Variants in ASPHD1 observed in about 807,000 individuals in gnomAD.
ASPHD1 encodes the protein aspartate beta-hydroxylase domain containing 1, also known as aspartate beta-hydroxylase domain-containing protein 1.
A neutral mutation model predicts 28.3 loss-of-function variants in ASPHD1; 20 were observed. That is an observed-to-expected ratio of 0.71 (90% CI 0.50 to 1.03). ASPHD1 has a LOEUF of 1.03. ASPHD1 is among the 50% of genes least tolerant of loss of function. The pLI, the probability that ASPHD1 is intolerant of heterozygous loss-of-function variation, is 0.00. For synonymous variants in ASPHD1, 240 were observed against 221.2 expected (o/e 1.08, Z -0.75); for missense variants, 479 against 524.1 (o/e 0.91, Z 0.84).
At chr16:29,906,856 G>A (rs746975483), downstream of ASPHD1, 2 of 1,605,310 alleles carry the variant, frequency 1.2e-6, no homozygotes, top group African/African-American at 1.3e-5. Context: ...GAGGAAGGCA[G>A]GGGGAGGGTC....
chr16:29,905,629 G>GAAAA (rs770029376), intron 2 of ASPHD1, among the ~76,000 whole-genome samples, 159 bp from the exon 3 acceptor site: 4 of 49,750 alleles, frequency 8.0e-5, no homozygotes, highest in Non-Finnish European at 1.2e-4. Context: ...TCCATCTCAG[G>GAAAA]AAAAAAAAAA....
rs1258652983 is a variant in ASPHD1, at chr16:29,900,867, T to G, written c.-105T>G. 2.0e-6 allele frequency: 2 copies of G among 1,002,536 alleles called. No homozygotes were observed. Among genetic ancestry groups the G allele is most frequent in the African/African-American group, 3.3e-5 (2 of 60,186 alleles). The allele number at this position is 1,002,536 out of a possible 1,614,324, so 62.1% of individuals were successfully genotyped here. On this transcript the variant is annotated 5_prime_UTR_variant, in exon 1 of 3. Transcript: ENST00000308748. ...AGCAGAGCGAGAGAGAGGAGGCTGC[T>G]GGAAGGAGAAAGAAGAGGGTGAGGA...
intron 3 of ASPHD1, among the ~76,000 whole-genome samples, chr16:29,912,980 T>C (rs535476493): frequency 6.6e-6 from 1 of 152,340 alleles, no homozygotes; most frequent in South Asian, 2.1e-4. Flanking sequence ...AGAATCTTCA[T>C]GCCAAAATCC....
chr16:29,905,055 T>C (rs1242990323), intron 2 of ASPHD1, 90 bp downstream of exon 2: 21 of 915,602 alleles, frequency 2.3e-5, no homozygotes, highest in Non-Finnish European at 2.7e-5. Flanking sequence ...CCCAACGGAC[T>C]TCCTGTCCTA....
At chr16:29,906,775 C>T, downstream of ASPHD1, 1 of 1,076,780 alleles carries the variant, frequency 9.3e-7, no homozygotes, top group Non-Finnish European at 1.4e-6. Context: ...GGACCCACGA[C>T]TTGGCCAGCA....
Position 29,901,225 on chromosome 16 carries a change from G to A in ASPHD1, c.254G>A (p.Gly85Glu). Reference protein sequence around the residue: ...LASSALTLLFGALTSLFLWYC... With the variant: ...LASSALTLLFEALTSLFLWYC... ...TCCTCGGCCCTCACCTTGCTCTTCG[G>A]GGCCCTCACTTCCCTGTTCCTCTGG... The change falls in exon 1 of 3, where the codon GGG becomes GAG. Residue 85 changes from glycine (G) to glutamate (E), a missense_variant. Coordinates refer to ENST00000308748, the MANE Select transcript of ASPHD1 (RefSeq NM_181718.4). This position sits in a 1 kb window ranked among gnomAD's most constrained non-coding sequence, Gnocchi z 5.1. The A allele has an allele frequency of 1.2e-6, 2 of 1,613,752 alleles. No homozygotes were observed. The highest frequency in any genetic ancestry group is 1.7e-6 in the Non-Finnish European group (2 of 1,179,940).
chr16:29,918,454 C>T (rs982583863), intron 3 of ASPHD1, among the ~76,000 whole-genome samples: 4 of 152,132 alleles, frequency 2.6e-5, no homozygotes, highest in East Asian at 3.9e-4. Flanking sequence ...TAATATCAGT[C>T]ATTTTATTTA....
intron 1 of ASPHD1, among the ~76,000 whole-genome samples, chr16:29,904,457 A>C (rs1415859076): frequency 6.6e-6 from 1 of 151,454 alleles, no homozygotes; most frequent in Non-Finnish European, 1.5e-5. Context: ...AAAAAAAAAC[A>C]AAACAAAAAA....
chr16:29,907,161 G>T, downstream of ASPHD1: 1 of 1,317,288 alleles, frequency 7.6e-7, no homozygotes, highest in Non-Finnish European at 1.1e-6. Flanking sequence ...GTCACGCAGG[G>T]CCATCCCCCT....
At chr16:29,912,062 CG>C (rs2068723335) in intron 3 of ASPHD1, 1 of 1,578,856 alleles carries the variant, frequency 6.3e-7, no homozygotes, top group Non-Finnish European at 8.6e-7. Flanking sequence ...GGGGAAGAAG[CG>C]GAAGGTGGTT....
intron 1 of ASPHD1, among the ~76,000 whole-genome samples, chr16:29,902,514 A>G: frequency 6.6e-6 from 1 of 152,108 alleles, no homozygotes; most frequent in East Asian, 1.9e-4. Context: ...TGAAGCCTAC[A>G]CTTTTTTCTT....
At chr16:29,906,974 C>T (rs1365096816), downstream of ASPHD1, 1 of 1,614,214 alleles carries the variant, frequency 6.2e-7, no homozygotes, top group Non-Finnish European at 8.5e-7. Flanking sequence ...TCTCTTCATC[C>T]TCCCCGCGGC....
At chr16:29,906,148 C>CTTTT (rs770827164), downstream of ASPHD1, 33 of 177,424 alleles carry the variant, frequency 1.9e-4, no homozygotes, top group South Asian at 3.0e-4. Flanking sequence ...TTTTTTCTTT[C>CTTTT]TTTTTTTTTT....
At chr16:29,915,694 AG>A (rs1375504274) in intron 3 of ASPHD1, among the ~76,000 whole-genome samples, 1 of 152,186 alleles carries the variant, frequency 6.6e-6, no homozygotes, top group Non-Finnish European at 1.5e-5. Flanking sequence ...AGACGCTGAA[AG>A]ACAACACCTT....
chr16:29,914,966 ACT>A (rs946168665), intron 3 of ASPHD1: 3 of 150,400 alleles, frequency 2.0e-5, no homozygotes, highest in African/African-American at 7.4e-5. Context: ...ACATAGCAAG[ACT>A]CTGTCTCAAA....
chr16:29,904,377 C>T (rs1309335328), intron 1 of ASPHD1, among the ~76,000 whole-genome samples: 6 of 151,350 alleles, frequency 4.0e-5, no homozygotes, highest in Admixed American at 6.6e-5. Flanking sequence ...ACCTGGGAGG[C>T]GGAGGTTGCA....
chr16:29,901,450 C>G lies in ASPHD1; in HGVS notation c.479C>G (p.Ala160Gly), dbSNP rs1416500024. 1.9e-6 allele frequency: 3 copies of G among 1,604,464 alleles called. No homozygotes were observed. The highest frequency in any genetic ancestry group is 1.7e-5 in the Admixed American group (1 of 58,842). Residue 160 changes from alanine (A) to glycine (G), a missense_variant, in exon 1 of 3, where the codon GCT (alanine) becomes GGT (glycine). By Grantham distance (60) the Ala-to-Gly change is moderately conservative. Coordinates refer to ENST00000308748, the MANE Select transcript of ASPHD1 (RefSeq NM_181718.4). This position sits in a 1 kb window ranked among gnomAD's most constrained non-coding sequence, Gnocchi z 5.1. ...LRAYARRYSW[A>G]GMGRVRRAAQ... ...GCCTACGCAAGGCGCTACTCCTGGG[C>G]TGGGATGGGTAGAGTGAGGCGGGCA... is the stretch of plus-strand genomic sequence containing the variant.
At chr16:29,909,666 C>T (rs904656741), downstream of ASPHD1, among the ~76,000 whole-genome samples, 3 of 150,828 alleles carry the variant, frequency 2.0e-5, no homozygotes, top group Admixed American at 6.6e-5. Context: ...CTATTTTTGG[C>T]AATGGGCCTT....
intron 3 of ASPHD1, chr16:29,911,868 C>A (rs780213411): frequency 6.2e-7 from 1 of 1,612,160 alleles, no homozygotes; most frequent in Admixed American, 1.7e-5. Context: ...TCACCACGGG[C>A]TGGCGGGGGA....
Sources: allele counts gnomAD v4.1 joint callset (sites outside exome capture counted in the v4.1 genomes callset), GRCh38; gene constraint gnomAD v4.1.1; non-coding constraint Gnocchi (gnomAD v3.1); transcripts MANE v1.5; gene names NCBI Gene and HGNC (gene_info 2026-07-23, HGNC 2026-07-21).